MUSK: variants seen among roughly 807,000 people sequenced by gnomAD.
MUSK encodes the protein muscle associated receptor tyrosine kinase.
MUSK carries 55 observed loss-of-function variants against 88.7 expected under a neutral mutation model. That is an observed-to-expected ratio of 0.62 (90% CI 0.50 to 0.78). The LOEUF is 0.78. MUSK is among the 30% of genes least tolerant of loss of function. The pLI, the probability that MUSK is intolerant of heterozygous loss-of-function variation, is 0.00. For synonymous variants in MUSK, 387 were observed against 391.9 expected (o/e 0.99, Z 0.15); for missense variants, 1,015 against 1,074.3 (o/e 0.94, Z 0.77).
rs1345140248 is a variant in MUSK at position 110,695,642 on chromosome 9, T to C, written c.486+112T>C. The C allele has an allele frequency of 5.7e-6, 5 of 869,668 alleles. No individual in the cohort carries two copies. The East Asian group carries it at 9.2e-5, about 16-fold the overall frequency. The allele number at this position is 869,668 out of a possible 1,614,324, so 53.9% of individuals were successfully genotyped here. ...CTTCTAGTATAAAGTAGTTTCCATG[T>C]ACATTTTAACCAAATGTAAATATTT... On this transcript the variant is annotated intron_variant, in intron 4 of 14. Transcript: ENST00000374448.
At chr9:110,762,003 CA>C (rs2077409022) in intron 7 of MUSK, 198 bp from the exon 8 acceptor site, 1 of 906,600 alleles carries the variant, frequency 1.1e-6, no homozygotes, top group Non-Finnish European at 1.3e-6. Flanking sequence ...TAAAGATACT[CA>C]ATATTTTCTT....
intron 6 of MUSK, among the ~76,000 whole-genome samples, chr9:110,738,472 A>T (rs2077055668): frequency 6.6e-6 from 1 of 152,168 alleles, no homozygotes; most frequent in Non-Finnish European, 1.5e-5. Flanking sequence ...TTACTATTAG[A>T]TGATTTGAAA....
intron 14 of MUSK, among the ~76,000 whole-genome samples, chr9:110,790,882 G>A (rs2132044847): frequency 6.6e-6 from 1 of 152,288 alleles, no homozygotes; most frequent in South Asian, 2.1e-4. Context: ...GCTGCCAGCT[G>A]GGCATAGACT....
At chr9:110,789,727 C>T (rs928385949) in intron 14 of MUSK, among the ~76,000 whole-genome samples, 3 of 151,918 alleles carry the variant, frequency 2.0e-5, no homozygotes, top group Non-Finnish European at 4.4e-5. Flanking sequence ...TGCAGTGAGC[C>T]GAGATTGTGC....
intron 5 of MUSK, among the ~76,000 whole-genome samples, chr9:110,710,653 G>A (rs935471712): frequency 6.6e-6 from 1 of 151,970 alleles, no homozygotes; most frequent in East Asian, 1.9e-4. Context: ...AGTGATAAAG[G>A]GAAGCTTATC....
rs929399024 is a variant in MUSK at position 110,722,535 on chromosome 9, G to GA, written c.629-11705dup. On this transcript the variant is annotated intron_variant, in intron 5 of 14. Coordinates refer to ENST00000374448, the MANE Select transcript of MUSK (RefSeq NM_005592.4). ...ACAGAGCGAGACACCATCATGGGAA[G>GA]AAAAAAAAAAACATGGGACTTAATT... Among the ~76,000 whole-genome samples the GA allele has an allele frequency of 5.5e-3, 780 of 142,598 alleles. 1 individual carries two copies. Among genetic ancestry groups the GA allele is most frequent in the Middle Eastern group, 0.014 (4 of 282 alleles). 93.5% of individuals were successfully genotyped at this position (142,598 alleles called of 152,430 possible). A position where few individuals can be genotyped will look rare whatever the true frequency, so the allele number is the denominator to read the frequency against.
At chr9:110,678,359 A>G (rs1205857620) in intron 1 of MUSK, among the ~76,000 whole-genome samples, 2 of 151,976 alleles carry the variant, frequency 1.3e-5, no homozygotes, top group Admixed American at 1.3e-4. Flanking sequence ...TGGATCCTTC[A>G]GTGGATCCTT....
Position 110,776,635 on chromosome 9 carries a change from A to G in MUSK, c.1364A>G (p.Tyr455Cys). 1.9e-6 allele frequency: 3 copies of G among 1,599,434 alleles called. No individual in the cohort carries two copies. The highest frequency in any genetic ancestry group is 2.2e-5 in the South Asian group (2 of 90,098). The part of the protein sequence containing the change: ...TACARLPHLD[Y>C]NKENLKTFPP... ...ATTTTTATCCTTTCCCCTTCAGATT[A>G]TAACAAAGAAAACCTAAAAAGTAAG... is the stretch of plus-strand genomic sequence containing the variant. The change falls in exon 11 of 15, where the codon TAT (tyrosine) becomes TGT (cysteine). Residue 455 changes from tyrosine (Y) to cysteine (C), a missense_variant. Transcript: ENST00000374448.
At chr9:110,680,990 CTTA>C (rs1317270481) in intron 1 of MUSK, among the ~76,000 whole-genome samples, 1 of 47,594 alleles carries the variant, frequency 2.1e-5, no homozygotes, top group Non-Finnish European at 3.8e-5. Context: ...TATAATGATC[CTTA>C]TAATATATTA....
intron 3 of MUSK, among the ~76,000 whole-genome samples, chr9:110,691,883 T>C (rs2076360707): frequency 6.6e-6 from 1 of 152,160 alleles, no homozygotes; most frequent in African/African-American, 2.4e-5. Context: ...TTGCTCGCAT[T>C]GTTGGATAAT....
At position 110,798,640 on chromosome 9, in the gene MUSK, C is replaced by G. The variant is rs754136333; in HGVS notation, c.1928-1666C>G. ...CCACCCATCAACATATATTGAAAAC[C>G]CATAGTGAGCCATGTGTAGTATTAG... On this transcript the variant is annotated intron_variant, in intron 14 of 14. Coordinates refer to ENST00000374448, the MANE Select transcript of MUSK (RefSeq NM_005592.4). Among the ~76,000 whole-genome samples, 3 of 152,032 alleles carry G rather than the reference C, an allele frequency of 2.0e-5. No homozygotes were observed. The East Asian group carries it at 5.8e-4, about 29-fold the overall frequency.
chr9:110,771,161 CTTTT>C (rs34185224), intron 9 of MUSK, among the ~76,000 whole-genome samples: 3 of 96,432 alleles, frequency 3.1e-5, no homozygotes, highest in Non-Finnish European at 5.7e-5. Flanking sequence ...TCATTTCCTT[CTTTT>C]TTTTTTTTTT....
At chr9:110,693,854 T>G (rs181113404) in intron 3 of MUSK, among the ~76,000 whole-genome samples, 150 of 152,232 alleles carry the variant, frequency 9.9e-4, no homozygotes, top group Non-Finnish European at 1.6e-3. Flanking sequence ...CATAGGAATA[T>G]CAAGTGCTCA....
chr9:110,677,777 A>G (rs1037440040), intron 1 of MUSK, among the ~76,000 whole-genome samples: 2 of 152,204 alleles, frequency 1.3e-5, no homozygotes, highest in Non-Finnish European at 2.9e-5. Context: ...TATCATGTTA[A>G]AGAAATACTA....
At position 110,668,990 on chromosome 9, in the gene MUSK, T is replaced by A; in HGVS notation, c.79+7T>A. ...ACTGAGAAACTTCCAAAAGGTTGGT[T>A]TGAGCAATCGTGTCTTCTTGTTGTC... On this transcript the variant is annotated splice_region_variant and intron_variant, in intron 1 of 14. Transcript: ENST00000374448. The A allele has an allele frequency of 6.2e-7, 1 of 1,610,240 alleles. No homozygotes were observed. The highest frequency in any genetic ancestry group is 8.5e-7 in the Non-Finnish European group (1 of 1,176,548).
intron 1 of MUSK, among the ~76,000 whole-genome samples, chr9:110,673,158 A>G (rs2075982054): frequency 6.6e-6 from 1 of 152,194 alleles, no homozygotes; most frequent in Non-Finnish European, 1.5e-5. Flanking sequence ...AATATGGACA[A>G]TGTGGACTTG....
intron 3 of MUSK, among the ~76,000 whole-genome samples, chr9:110,688,202 T>C (rs913814098): frequency 6.6e-6 from 1 of 152,112 alleles, no homozygotes; most frequent in African/African-American, 2.4e-5. Flanking sequence ...CACTTCCCCA[T>C]ATTTATTAAA....
intron 14 of MUSK, among the ~76,000 whole-genome samples, chr9:110,798,717 AT>A (rs2078049545): frequency 6.6e-6 from 1 of 152,188 alleles, no homozygotes; most frequent in Admixed American, 6.5e-5. Flanking sequence ...AATAATTATT[AT>A]ATTTTGAAGT....
chr9:110,776,728 A>C, intron 11 of MUSK, 73 bp downstream of exon 11: 1 of 1,269,712 alleles, frequency 7.9e-7, no homozygotes, highest in Non-Finnish European at 1.1e-6. Flanking sequence ...GTTTACACTT[A>C]TATTTCCTGA....
Sources: allele counts gnomAD v4.1 joint callset (sites outside exome capture counted in the v4.1 genomes callset), GRCh38; gene constraint gnomAD v4.1.1; transcripts MANE v1.5; gene names NCBI Gene and HGNC (gene_info 2026-07-23, HGNC 2026-07-21).